MAPKAPK2: variants seen among roughly 807,000 people sequenced by gnomAD.
MAPKAPK2 encodes the protein MAPK activated protein kinase 2.
In MAPKAPK2, 9 loss-of-function variants were observed where a neutral mutation model predicts 48.8. The observed-to-expected ratio is 0.18, with a 90% confidence interval of 0.11 to 0.32. MAPKAPK2 has a LOEUF of 0.32. Among genes scored for constraint, MAPKAPK2 ranks in the 10% least tolerant of loss-of-function variants. The pLI, the probability that MAPKAPK2 is intolerant of heterozygous loss-of-function variation, is 1.00. For synonymous variants in MAPKAPK2, 202 were observed against 190.6 expected (o/e 1.06, Z -0.49); for missense variants, 331 against 498.3 (o/e 0.66, Z 3.20).
chr1:206,726,386 C>T (rs1423716756), intron 1 of MAPKAPK2, among the ~76,000 whole-genome samples: 1 of 152,236 alleles, frequency 6.6e-6, no homozygotes, highest in Non-Finnish European at 1.5e-5. Flanking sequence ...GACCCTGTCT[C>T]AGAAACAAAC....
intron 1 of MAPKAPK2, among the ~76,000 whole-genome samples, chr1:206,720,163 G>A (rs1376136153): frequency 2.0e-5 from 3 of 152,222 alleles, no homozygotes; most frequent in Non-Finnish European, 4.4e-5. Context: ...CATGGCCATA[G>A]GGCCTGAGAC....
intron 1 of MAPKAPK2, among the ~76,000 whole-genome samples, chr1:206,728,053 G>A (rs907973227): frequency 1.8e-4 from 28 of 152,182 alleles, no homozygotes; most frequent in Non-Finnish European, 7.3e-5. Flanking sequence ...CTGGTGAGAA[G>A]CCAGCCTCCT....
chr1:206,718,682 G>A (rs782194074), intron 1 of MAPKAPK2, among the ~76,000 whole-genome samples: 2 of 152,050 alleles, frequency 1.3e-5, no homozygotes, highest in African/African-American at 2.4e-5. Flanking sequence ...GACACCGCAC[G>A]TTTTCCATTG....
At chr1:206,718,018 A>T (rs1553430656) in intron 1 of MAPKAPK2, among the ~76,000 whole-genome samples, 1 of 152,180 alleles carries the variant, frequency 6.6e-6, no homozygotes, top group Non-Finnish European at 1.5e-5. Flanking sequence ...AAAAAACAAA[A>T]CAATAACAAC....
At chr1:206,703,220 A>C (rs543208487) in intron 1 of MAPKAPK2, among the ~76,000 whole-genome samples, 1 of 152,382 alleles carries the variant, frequency 6.6e-6, no homozygotes, top group African/African-American at 2.4e-5. Context: ...AGGTTTGGCT[A>C]CTTCAGAGGC....
Position 206,734,025 on chromosome 1 carries a change from G to T in MAPKAPK2, c.*1307G>T, listed in dbSNP as rs1424334962. The T allele has an allele frequency of 3.3e-5, 5 of 152,660 alleles. No homozygotes were observed. The highest frequency in any genetic ancestry group is 1.2e-4 in the African/African-American group (5 of 41,446). The allele number at this position is 152,660 out of a possible 1,614,324, so 9.5% of individuals were successfully genotyped here. A position where few individuals can be genotyped will look rare whatever the true frequency, so the allele number is the denominator to read the frequency against. On this transcript the variant is annotated 3_prime_UTR_variant, in exon 10 of 10. Coordinates refer to ENST00000367103, the MANE Select transcript of MAPKAPK2 (RefSeq NM_032960.4). ...GGGCCTCCCCCAGCACAGATGAGGA[G>T]CAGCTGGGGTAGGCTGTCTGTGCCA... is the stretch of plus-strand genomic sequence containing the variant.
intron 1 of MAPKAPK2, among the ~76,000 whole-genome samples, chr1:206,717,328 A>G (rs1010731029): frequency 3.3e-5 from 5 of 152,240 alleles, no homozygotes; most frequent in Non-Finnish European, 5.9e-5. Context: ...TTTGCTATAT[A>G]TAAAGTGCAC....
chr1:206,695,657 C>A (rs781881546), intron 1 of MAPKAPK2, among the ~76,000 whole-genome samples: 3 of 151,978 alleles, frequency 2.0e-5, no homozygotes, highest in African/African-American at 7.3e-5. Flanking sequence ...CAGAGCCTTT[C>A]GCACCAAAAG....
At chr1:206,690,378 G>T (rs56859867) in intron 1 of MAPKAPK2, among the ~76,000 whole-genome samples, 2 of 152,350 alleles carry the variant, frequency 1.3e-5, no homozygotes, top group South Asian at 4.1e-4. Flanking sequence ...TCTGGGCTTT[G>T]ACTGAGCTTG....
chr1:206,721,513 A>G (rs782332185), intron 1 of MAPKAPK2, among the ~76,000 whole-genome samples: 2 of 152,168 alleles, frequency 1.3e-5, no homozygotes, highest in Non-Finnish European at 2.9e-5. Context: ...AAGGGTTTGC[A>G]CTTTAAGGCA....
chr1:206,728,180 G>A (rs1357315760), intron 1 of MAPKAPK2, among the ~76,000 whole-genome samples: 3 of 152,150 alleles, frequency 2.0e-5, no homozygotes, highest in South Asian at 2.1e-4. Flanking sequence ...ACTGGCATCC[G>A]GCTGACTTCC....
At chr1:206,724,484 T>G (rs1673643095) in intron 1 of MAPKAPK2, among the ~76,000 whole-genome samples, 1 of 151,976 alleles carries the variant, frequency 6.6e-6, no homozygotes, top group South Asian at 2.1e-4. Context: ...TTGCTTGGGT[T>G]GATTTTCTTA....
rs782425128 is a variant in MAPKAPK2, at chr1:206,731,839, C to A, written c.979C>A (p.Gln327Lys). The A allele has an allele frequency of 6.2e-7, 1 of 1,614,094 alleles. No homozygotes were observed. ...TCGGACCCCTTTTCTCTCTTCTCAG[C>A]AATCAACAAAGGTCCCTCAAACCCC... ...TEFMNHPWIM[Q>K]STKVPQTPLH... Residue 327 changes from glutamine (Q) to lysine (K), a missense_variant and splice_region_variant, in exon 9 of 10, where the codon CAA (glutamine) becomes AAA (lysine). Coordinates refer to ENST00000367103, the MANE Select transcript of MAPKAPK2 (RefSeq NM_032960.4). This position sits in a 1 kb window ranked among gnomAD's most constrained non-coding sequence, Gnocchi z 5.9.
In MAPKAPK2 at chr1:206,731,979, C is replaced by T. The variant is rs1673929384; in HGVS notation, c.1059+60C>T. 6.2e-7 allele frequency: 1 copy of T among 1,613,896 alleles called. No individual in the cohort carries two copies. The highest frequency in any genetic ancestry group is 8.5e-7 in the Non-Finnish European group (1 of 1,179,986). On this transcript the variant is annotated intron_variant, in intron 9 of 9. Transcript: ENST00000367103. This position sits in a 1 kb window ranked among gnomAD's most constrained non-coding sequence, Gnocchi z 5.9. ...TGGGGTGGGCGGCTTGCGGGGAGTG[C>T]CCAGGTGTGAGGCGTGGTGCTGGTA...
chr1:206,712,384 C>G (rs532744630), intron 1 of MAPKAPK2, among the ~76,000 whole-genome samples: 12 of 152,342 alleles, frequency 7.9e-5, no homozygotes, highest in Non-Finnish European at 1.6e-4. Context: ...AATGGAGGAG[C>G]TGGGACTGCC....
At chr1:206,691,188 G>A (rs1443579713) in intron 1 of MAPKAPK2, among the ~76,000 whole-genome samples, 1 of 152,084 alleles carries the variant, frequency 6.6e-6, no homozygotes, top group Non-Finnish European at 1.5e-5. Context: ...GTCTTACATG[G>A]TGTCAGCATC....
chr1:206,728,298 C>T (rs1233715242), intron 1 of MAPKAPK2, among the ~76,000 whole-genome samples: 2 of 152,116 alleles, frequency 1.3e-5, no homozygotes, highest in Non-Finnish European at 2.9e-5. Context: ...TTCCTATGGA[C>T]TCTGGAGTCT....
intron 1 of MAPKAPK2, among the ~76,000 whole-genome samples, chr1:206,726,092 A>T (rs1673693437): frequency 1.3e-5 from 2 of 152,214 alleles, no homozygotes; most frequent in Non-Finnish European, 2.9e-5. Context: ...CATCCAAATG[A>T]ATGAAGTTGA....
At chr1:206,730,168 C>A in intron 5 of MAPKAPK2, 70 bp downstream of exon 5, 1 of 1,586,424 alleles carries the variant, frequency 6.3e-7, no homozygotes, top group Non-Finnish European at 8.6e-7. Context: ...TCTTGGCTAT[C>A]TGGGGGGCCG....
Sources: gnomAD v4.1 joint callset for allele counts (sites outside exome capture counted in the v4.1 genomes callset) on GRCh38, gnomAD v4.1.1 for gene constraint, Gnocchi (gnomAD v3.1) non-coding constraint, MANE v1.5 for transcripts, NCBI Gene and HGNC (gene_info 2026-07-23, HGNC 2026-07-21) for gene names.